ATP12A: variants seen among roughly 807,000 people sequenced by gnomAD.
ATP12A encodes potassium-transporting ATPase alpha chain 2.
Under a neutral mutation model 111.2 loss-of-function variants are expected in ATP12A, and 81 were observed. The observed-to-expected ratio is 0.73, with a 90% confidence interval of 0.61 to 0.88. The LOEUF (loss-of-function observed/expected upper bound fraction) is 0.88, where lower values mean the gene tolerates loss of function less well. Among genes scored for constraint, ATP12A ranks in the 40% least tolerant of loss-of-function variants. The probability of loss-of-function intolerance (pLI) is 0.00; values close to 1 mark genes in which losing one functional copy is unlikely to be tolerated. For missense variants in ATP12A, 1,196 were observed against 1,313.1 expected (o/e 0.91, Z 1.38); for synonymous variants, 498 against 499.8 (o/e 1.00, Z 0.05).
At chr13:24,697,321 C>T (rs1245676246) in intron 11 of ATP12A, among the ~76,000 whole-genome samples, 2 of 152,078 alleles carry the variant, frequency 1.3e-5, no homozygotes, top group Non-Finnish European at 2.9e-5. Flanking sequence ...TCATATTATC[C>T]CTATGTTTTA....
intron 21 of ATP12A, 28 bp downstream of exon 21, chr13:24,710,921 A>T (rs765688188): frequency 5.0e-6 from 8 of 1,590,130 alleles, no homozygotes; most frequent in Non-Finnish European, 6.9e-6. Flanking sequence ...AGCATGGAGG[A>T]AAGAGCCAGC....
intron 11 of ATP12A, 122 bp downstream of exon 11, chr13:24,694,700 T>C: frequency 6.7e-7 from 1 of 1,481,808 alleles, no homozygotes; most frequent in Non-Finnish European, 9.2e-7. Flanking sequence ...TCGTCAGGGA[T>C]ACAGCACCCA....
Position 24,680,748 on chromosome 13 carries a change from A to G in ATP12A, c.5A>G (p.His2Arg). M[H>R]QKTPEIYSVE... Reference sequence around the variant, plus strand: ...CCGCGGCGCCACCAGCCCAGCATGCACCAGGTGCGTGCAGCCCCCGCGCCG... The same window carrying G: ...CCGCGGCGCCACCAGCCCAGCATGCGCCAGGTGCGTGCAGCCCCCGCGCCG... Residue 2 changes from histidine to arginine, a missense_variant, in exon 1 of 23, where the codon CAC (histidine) becomes CGC (arginine). His to Arg is a conservative substitution (Grantham distance 29). This residue lies in a region of ATP12A where 67 missense variants were observed against 64.0 expected (regional missense o/e 1.05). Coordinates refer to ENST00000381946, the MANE Select transcript of ATP12A (RefSeq NM_001676.7). 1 of 1,500,700 alleles carries G rather than the reference A, an allele frequency of 6.7e-7. No homozygotes were observed. The highest frequency in any genetic ancestry group is 8.8e-7 in the Non-Finnish European group (1 of 1,132,282). The allele number at this position is 1,500,700 out of a possible 1,614,324, so 93.0% of individuals were successfully genotyped here.
chr13:24,703,401 C>A (rs565625577), intron 14 of ATP12A, among the ~76,000 whole-genome samples: 59 of 152,092 alleles, frequency 3.9e-4, no homozygotes, highest in Admixed American at 2.6e-3. Flanking sequence ...CGCCACCATG[C>A]CTGGCTAATT....
intron 14 of ATP12A, among the ~76,000 whole-genome samples, chr13:24,702,672 C>G (rs2137714386): frequency 6.6e-6 from 1 of 152,310 alleles, no homozygotes; most frequent in South Asian, 2.1e-4. Flanking sequence ...GTTCTTTCAA[C>G]AAGTATTTAC....
chr13:24,708,562 C>T (rs377348983), intron 17 of ATP12A, among the ~76,000 whole-genome samples: 11 of 152,008 alleles, frequency 7.2e-5, no homozygotes, highest in South Asian at 2.1e-4. Flanking sequence ...AGGCCTGGTG[C>T]GGGCATCACC....
At chr13:24,708,422 A>G (rs780381745) in intron 17 of ATP12A, among the ~76,000 whole-genome samples, 1 of 152,014 alleles carries the variant, frequency 6.6e-6, no homozygotes. Context: ...TACAACACCC[A>G]GGTAATCCCT....
chr13:24,693,029 C>T, intron 10 of ATP12A, 133 bp downstream of exon 10: 2 of 757,670 alleles, frequency 2.6e-6, no homozygotes, highest in Non-Finnish European at 4.3e-6. Context: ...AAGTCAGACT[C>T]ACAAGACATC....
chr13:24,708,897 A>AAAG (rs1875796625), intron 17 of ATP12A, among the ~76,000 whole-genome samples: 1 of 121,970 alleles, frequency 8.2e-6, no homozygotes, highest in African/African-American at 3.2e-5. Flanking sequence ...AGAAAGAAAG[A>AAAG]AAGGAAAGAA....
Position 24,706,483 on chromosome 13 carries a change from C to T in ATP12A, c.2169+20C>T. 1 of 1,610,780 alleles carries T rather than the reference C, an allele frequency of 6.2e-7. No homozygotes were observed. The highest frequency in any genetic ancestry group is 8.5e-7 in the Non-Finnish European group (1 of 1,178,286). ...AGGCAGGTGGGTGGACAGCAGTGTC[C>T]AGAGGACTGACAGGCCCATCACTGT... On this transcript the variant is annotated intron_variant, in intron 15 of 22. Transcript: ENST00000381946.
rs554285433 is a variant in ATP12A, at chr13:24,683,377, G to A, written c.168+1657G>A. On this transcript the variant is annotated intron_variant, in intron 2 of 22. Coordinates refer to ENST00000381946, the MANE Select transcript of ATP12A (RefSeq NM_001676.7). The stretch of plus-strand genomic sequence containing the variant: ...TGAGATGGGCTGGATTGTCCCCACC[G>A]TCCTTGGCAGATCTTAAAGCTCTGT... Among the ~76,000 whole-genome samples the A allele has an allele frequency of 2.6e-4, 40 of 152,304 alleles. No individual in the cohort carries two copies. In the South Asian group the frequency reaches 4.8e-3, roughly 18 times the overall value.
Position 24,700,864 on chromosome 13 carries a change from A to T in ATP12A, c.1823A>T (p.Asp608Val), listed in dbSNP as rs535116028. The change falls in exon 13 of 23, where the codon GAT becomes GTT. Residue 608 changes from aspartate (D) to valine (V), a missense_variant. Asp to Val is a radical substitution (Grantham distance 152). Coordinates refer to ENST00000381946, the MANE Select transcript of ATP12A (RefSeq NM_001676.7). ...LCFVGLLSMI[D>V]PPRSTVPDAV... ...TTTGTGGGACTCTTGTCAATGATCG[A>T]TCCCCCTCGGTCCACCGTGCCAGAT... 2 of 1,614,132 alleles carry T rather than the reference A, an allele frequency of 1.2e-6. No homozygotes were observed. The highest frequency in any genetic ancestry group is 2.7e-5 in the African/African-American group (2 of 75,004).
intron 13 of ATP12A, 136 bp downstream of exon 13, chr13:24,701,058 A>C (rs1875373395): frequency 2.8e-6 from 3 of 1,068,434 alleles, no homozygotes; most frequent in African/African-American, 1.6e-5. Context: ...TTCTAGTTTC[A>C]CTGTGCTAAG....
Position 24,696,729 on chromosome 13 carries a change from A to AAAG in ATP12A, c.1513-1927_1513-1926insGAA, listed in dbSNP as rs1555254844. Among the ~76,000 whole-genome samples the AAAG allele has an allele frequency of 6.0e-5, 2 of 33,168 alleles. 1 individual carries two copies. Among genetic ancestry groups the AAAG allele is most frequent in the East Asian group, 0.013 (2 of 154 alleles). The allele number at this position is 33,168 out of a possible 152,430, so 21.8% of individuals were successfully genotyped here. A position where few individuals can be genotyped will look rare whatever the true frequency, so the allele number is the denominator to read the frequency against. On this transcript the variant is annotated intron_variant, in intron 11 of 22. Transcript: ENST00000381946. ...GCGAGACTCCGTCTCAAAAAAAAAA[A>AAAG]AAAAAAAAAAAAAAAAAGAAAGGGG...
chr13:24,710,035 C>CT (rs1224151391), intron 19 of ATP12A, among the ~76,000 whole-genome samples: 6 of 152,208 alleles, frequency 3.9e-5, no homozygotes, highest in African/African-American at 1.2e-4. Context: ...CAAGAGGTCC[C>CT]TTTTTTTACC....
intron 10 of ATP12A, among the ~76,000 whole-genome samples, chr13:24,693,955 GC>G (rs1875017297): frequency 6.6e-6 from 1 of 152,240 alleles, no homozygotes; most frequent in East Asian, 1.9e-4. Flanking sequence ...CCTTAATGGT[GC>G]TTTTATAGTC....
chr13:24,709,334 G>A (rs1009866348), intron 17 of ATP12A, 30 bp from the exon 18 acceptor site: 62 of 1,600,944 alleles, frequency 3.9e-5, no homozygotes, highest in African/African-American at 5.4e-5. Flanking sequence ...ACATCCTGGG[G>A]TTAGACCTCA....
chr13:24,701,707 G>T lies in ATP12A; in HGVS notation c.1882-228G>T, dbSNP rs183609673. Among the ~76,000 whole-genome samples the T allele has an allele frequency of 2.1e-3, 326 of 152,280 alleles. 1 individual carries two copies. The highest frequency in any genetic ancestry group is 7.0e-3 in the African/African-American group (290 of 41,540). On this transcript the variant is annotated intron_variant, in intron 13 of 22. Transcript: ENST00000381946. ...AATAAAGTGGCATCAAAGGGGAAGG[G>T]CTTCCTTTCATGTCAGAGGAGGAAG...
chr13:24,688,592 T>C, intron 4 of ATP12A, 70 bp downstream of exon 4: 1 of 1,408,078 alleles, frequency 7.1e-7, no homozygotes, highest in Middle Eastern at 1.9e-4. Context: ...GGGGCACAGC[T>C]GGGGGCTGAA....
Sources: gnomAD v4.1 joint callset for allele counts (sites outside exome capture counted in the v4.1 genomes callset) on GRCh38, gnomAD v4.1.1 for gene constraint, gnomAD v4.1.1 regional missense constraint, MANE v1.5 for transcripts, NCBI Gene and HGNC (gene_info 2026-07-23, HGNC 2026-07-21) for gene names.